Variants in ASPHD2 observed in about 807,000 individuals in gnomAD.
ASPHD2 encodes the protein aspartate beta-hydroxylase domain-containing protein 2.
A neutral mutation model predicts 34.6 loss-of-function variants in ASPHD2; 12 were observed. The ratio of observed to expected loss-of-function variants is 0.35; its 90% CI spans 0.22 to 0.56. The LOEUF is 0.56. ASPHD2 is among the 20% of genes least tolerant of loss of function. The pLI, the probability that ASPHD2 is intolerant of heterozygous loss-of-function variation, is 0.87. For missense variants in ASPHD2, 375 were observed against 505.0 expected (o/e 0.74, Z 2.47); for synonymous variants, 224 against 212.2 (o/e 1.06, Z -0.48).
Position 26,429,811 on chromosome 22 carries a change from A to C in ASPHD2, c.-225+325A>C, listed in dbSNP as rs2084745923. Among the ~76,000 whole-genome samples, 6 of 143,796 alleles carry C rather than the reference A, an allele frequency of 4.2e-5. No individual in the cohort carries two copies. Among genetic ancestry groups the C allele is most frequent in the African/African-American group, 5.2e-5 (2 of 38,362 alleles). 94.3% of individuals were successfully genotyped at this position (143,796 alleles called of 152,430 possible). A position where few individuals can be genotyped will look rare whatever the true frequency, so the allele number is the denominator to read the frequency against. On this transcript the variant is annotated intron_variant, in intron 1 of 3. Transcript: ENST00000215906. The surrounding 1 kb of genome is among the most constrained non-coding windows in gnomAD (Gnocchi z 4.5). The stretch of plus-strand genomic sequence containing the variant: ...TCTCCCCTGTGACCCCTCTTTCCTC[A>C]CCTCCTGTCCCCTCCCCCAGCCCTC...
At chr22:26,442,123 A>T (rs1190528576) in intron 2 of ASPHD2, among the ~76,000 whole-genome samples, 1 of 144,622 alleles carries the variant, frequency 6.9e-6, no homozygotes, top group African/African-American at 2.6e-5. Flanking sequence ...AAAAAAAAAA[A>T]AGGGAAAAGA....
rs1372427214 is a variant in ASPHD2 at position 26,433,493 on chromosome 22, A to G, written c.-123A>G. The G allele has an allele frequency of 8.4e-6, 6 of 716,388 alleles. No individual in the cohort carries two copies. In the African/African-American group the frequency reaches 1.1e-4, roughly 13 times the overall value. The allele number at this position is 716,388 out of a possible 1,614,324, so 44.4% of individuals were successfully genotyped here. ...CCCACTGCAGTGACTTTTGCCGGAA[A>G]GTGGAGCAGTGGGCACGGCCAACCT... On this transcript the variant is annotated 5_prime_UTR_variant, in exon 2 of 4. Transcript: ENST00000215906. This position sits in a 1 kb window ranked among gnomAD's most constrained non-coding sequence, Gnocchi z 5.1.
chr22:26,430,567 T>C (rs1405000020), intron 1 of ASPHD2, among the ~76,000 whole-genome samples: 2 of 151,654 alleles, frequency 1.3e-5, no homozygotes, highest in African/African-American at 4.9e-5. Flanking sequence ...GGGGAGAGAG[T>C]CTCTCCTCTC....
Position 26,434,034 on chromosome 22 carries a change from C to A in ASPHD2, c.419C>A (p.Ser140Tyr). 1 of 1,613,390 alleles carries A rather than the reference C, an allele frequency of 6.2e-7. No individual in the cohort carries two copies. The highest frequency in any genetic ancestry group is 1.3e-5 in the African/African-American group (1 of 75,060). Residue 140 changes from serine (S) to tyrosine (Y), a missense_variant, in exon 2 of 4, where the codon TCC becomes TAC. Around this residue, in one of 3 missense-constraint regions of ASPHD2, gnomAD observed 223 missense variants for 257.8 expected, o/e 0.87. Coordinates refer to ENST00000215906, the MANE Select transcript of ASPHD2 (RefSeq NM_020437.5). ...LQEYAKRYSWSGMGRIHKGIR... is the reference protein window; with the variant it reads ...LQEYAKRYSWYGMGRIHKGIR... ...GAGTACGCCAAGCGCTACTCCTGGTCCGGCATGGGCCGCATCCACAAGGGC... is the reference window on the plus strand; with the variant it reads ...GAGTACGCCAAGCGCTACTCCTGGTACGGCATGGGCCGCATCCACAAGGGC...
chr22:26,438,502 C>CATAT (rs549671783), intron 2 of ASPHD2, among the ~76,000 whole-genome samples: 1 of 111,886 alleles, frequency 8.9e-6, no homozygotes, highest in Non-Finnish European at 1.9e-5. Context: ...TACACACATA[C>CATAT]ATATATATAC....
intron 2 of ASPHD2, among the ~76,000 whole-genome samples, chr22:26,441,948 C>T (rs944017698): frequency 6.9e-6 from 1 of 145,944 alleles, no homozygotes; most frequent in Non-Finnish European, 1.5e-5. Context: ...AAAAATTAGC[C>T]GGGTGAGGTG....
At chr22:26,438,552 C>CACATACATATATACACATACATATATAT in intron 2 of ASPHD2, among the ~76,000 whole-genome samples, 1 of 108,292 alleles carries the variant, frequency 9.2e-6, no homozygotes, top group South Asian at 3.1e-4. Context: ...TACATATATA[C>CACATACATATATACACATACATATATAT]ACATACATAT....
chr22:26,431,964 G>A (rs1015342184), intron 1 of ASPHD2, among the ~76,000 whole-genome samples: 2 of 152,230 alleles, frequency 1.3e-5, no homozygotes, highest in African/African-American at 2.4e-5. Flanking sequence ...GGGAGGCTGA[G>A]GTGGACGGAT....
In ASPHD2 at chr22:26,443,369, G is replaced by A. The variant is rs1266425304; in HGVS notation, c.*163G>A. 3.4e-6 allele frequency: 2 copies of A among 589,658 alleles called. No homozygotes were observed. Among genetic ancestry groups the A allele is most frequent in the Non-Finnish European group, 5.9e-6 (2 of 337,550 alleles). The allele number at this position is 589,658 out of a possible 1,614,324, so 36.5% of individuals were successfully genotyped here. ...ATCATGTCGGGTCCCTCTTTCCCTT[G>A]GTTATTGTAAATGGAAACTTTTCGG... On this transcript the variant is annotated 3_prime_UTR_variant, in exon 4 of 4. Transcript: ENST00000215906.
intron 2 of ASPHD2, among the ~76,000 whole-genome samples, chr22:26,435,097 G>C (rs2084782669): frequency 6.6e-6 from 1 of 152,142 alleles, no homozygotes; most frequent in Non-Finnish European, 1.5e-5. Flanking sequence ...TGCAAACAAA[G>C]ACTGGAGTTA....
At chr22:26,437,512 G>GGGAT (rs2084799828) in intron 2 of ASPHD2, among the ~76,000 whole-genome samples, 1 of 152,178 alleles carries the variant, frequency 6.6e-6, no homozygotes, top group Non-Finnish European at 1.5e-5. Flanking sequence ...ACACAATGCT[G>GGGAT]GGATATTCCA....
intron 2 of ASPHD2, among the ~76,000 whole-genome samples, chr22:26,441,187 A>T (rs1243084671): frequency 6.6e-6 from 1 of 152,202 alleles, no homozygotes; most frequent in Non-Finnish European, 1.5e-5. Context: ...CACATGGTGA[A>T]AGGAGGTGGC....
At position 26,429,662 on chromosome 22, in the gene ASPHD2, G is replaced by A. The variant is rs1025975526; in HGVS notation, c.-225+176G>A. On this transcript the variant is annotated intron_variant, in intron 1 of 3. Coordinates refer to ENST00000215906, the MANE Select transcript of ASPHD2 (RefSeq NM_020437.5). This position sits in a 1 kb window ranked among gnomAD's most constrained non-coding sequence, Gnocchi z 4.5. The stretch of plus-strand genomic sequence containing the variant: ...TCCGGGACCCGGGCGCCCGCATCCC[G>A]GCCCGGCCGAGGCCAGTGCTCGTAC... Among the ~76,000 whole-genome samples the A allele has an allele frequency of 1.3e-4, 19 of 151,514 alleles. No homozygotes were observed. The highest frequency in any genetic ancestry group is 2.7e-4 in the Non-Finnish European group (18 of 67,786).
At chr22:26,439,227 C>T (rs956327911) in intron 2 of ASPHD2, among the ~76,000 whole-genome samples, 3 of 152,060 alleles carry the variant, frequency 2.0e-5, no homozygotes, top group Non-Finnish European at 4.4e-5. Context: ...GGTGAAGCCC[C>T]ATCTCTACTA....
intron 2 of ASPHD2, among the ~76,000 whole-genome samples, chr22:26,438,508 T>TAC (rs1568983899): frequency 1.7e-4 from 18 of 107,660 alleles, no homozygotes; most frequent in African/African-American, 3.9e-4. Context: ...CATACATATA[T>TAC]ATACATACAT....
rs1298559906 is a variant in ASPHD2 at position 26,431,570 on chromosome 22, G to A, written c.-224-1822G>A. Among the ~76,000 whole-genome samples, 4 of 152,094 alleles carry A rather than the reference G, an allele frequency of 2.6e-5. No homozygotes were observed. The South Asian group carries it at 6.2e-4, about 24-fold the overall frequency. Reference sequence around the variant, plus strand: ...ATTATAGTCAAGTGATTATTCAACCGAAACTGGGAAAAAGCAAGTAGGCAG... The same window carrying A: ...ATTATAGTCAAGTGATTATTCAACCAAAACTGGGAAAAAGCAAGTAGGCAG... On this transcript the variant is annotated intron_variant, in intron 1 of 3. Coordinates refer to ENST00000215906, the MANE Select transcript of ASPHD2 (RefSeq NM_020437.5).
At chr22:26,430,777 C>G (rs2084751665) in intron 1 of ASPHD2, among the ~76,000 whole-genome samples, 1 of 152,200 alleles carries the variant, frequency 6.6e-6, no homozygotes, top group Non-Finnish European at 1.5e-5. Flanking sequence ...ATGAAAAGTC[C>G]TAACTTGAGC....
rs1434051877 is a variant in ASPHD2, at chr22:26,434,117, T to G, written c.502T>G (p.Phe168Val). The G allele has an allele frequency of 4.3e-6, 7 of 1,612,210 alleles. No individual in the cohort carries two copies. The Admixed American group carries it at 1.0e-4, about 23-fold the overall frequency. Residue 168 changes from phenylalanine to valine, a missense_variant, in exon 2 of 4, where the codon TTC (phenylalanine) becomes GTC (valine). By Grantham distance (50) the Phe-to-Val change is conservative (BLOSUM62 -1). Around this residue, in one of 3 missense-constraint regions of ASPHD2, gnomAD observed 223 missense variants for 257.8 expected, o/e 0.87. Transcript: ENST00000215906. The part of the protein sequence containing the change: ...SRPSIQKPEV[F>V]FLPDLPTTPY... ...GCCCTCCATCCAGAAGCCCGAGGTCTTCTTCCTGCCCGACCTGCCCACCAC... is the reference window on the plus strand; with the variant it reads ...GCCCTCCATCCAGAAGCCCGAGGTCGTCTTCCTGCCCGACCTGCCCACCAC...
chr22:26,436,823 A>C (rs1260430638), intron 2 of ASPHD2, among the ~76,000 whole-genome samples: 2 of 149,548 alleles, frequency 1.3e-5, no homozygotes, highest in Admixed American at 1.3e-4. Flanking sequence ...CTTGTTGTTC[A>C]TCTGTATGAT....
Sources: gnomAD v4.1 joint callset for allele counts (sites outside exome capture counted in the v4.1 genomes callset) on GRCh38, gnomAD v4.1.1 for gene constraint, gnomAD v4.1.1 regional missense constraint, Gnocchi (gnomAD v3.1) non-coding constraint, MANE v1.5 for transcripts, NCBI Gene and HGNC (gene_info 2026-07-23, HGNC 2026-07-21) for gene names.